UBR3: variants seen among roughly 807,000 people sequenced by gnomAD.
UBR3 encodes E3 ubiquitin-protein ligase UBR3.
Under a neutral mutation model 243.2 loss-of-function variants are expected in UBR3, and 85 were observed. The ratio of observed to expected loss-of-function variants is 0.35; its 90% confidence interval spans 0.29 to 0.42. The LOEUF (loss-of-function observed/expected upper bound fraction) is 0.42, where lower values mean the gene tolerates loss of function less well. Ranked by LOEUF, UBR3 falls within the 10% of genes least tolerant of loss-of-function variation. The pLI is 1.00. For missense variants in UBR3, 1,686 were observed against 2,300.8 expected (o/e 0.73, Z 5.47); for synonymous variants, 748 against 799.8 (o/e 0.94, Z 1.09).
chr2:169,889,781 A>C (rs566827968), intron 5 of UBR3, among the ~76,000 whole-genome samples: 1 of 152,316 alleles, frequency 6.6e-6, no homozygotes, highest in East Asian at 1.9e-4. Flanking sequence ...TGCTTGACGG[A>C]AACCCAAGTT....
At position 169,836,065 on chromosome 2, in the gene UBR3, ATATTTTTTTTT is replaced by A. The variant is rs1206040486; in HGVS notation, c.545+8015_545+8025del. Among the ~76,000 whole-genome samples, 71 of 27,938 alleles carry A rather than the reference ATATTTTTTTTT, an allele frequency of 2.5e-3. 1 individual carries two copies. Among genetic ancestry groups the A allele is most frequent in the African/African-American group, 7.6e-3 (67 of 8,768 alleles). The allele number at this position is 27,938 out of a possible 152,430, so 18.3% of individuals were successfully genotyped here. On this transcript the variant is annotated intron_variant, in intron 1 of 38. Transcript: ENST00000272793. ...TCTCTATATATATATATATATATATATATTTTTTTTTTTTTTTTTTTTTTTTTTGAGATGGA... is the reference window on the plus strand; with the variant it reads ...TCTCTATATATATATATATATATATATTTTTTTTTTTTTTTTTGAGATGGA...
At chr2:169,999,494 A>T (rs544083736) in intron 26 of UBR3, among the ~76,000 whole-genome samples, 1 of 152,354 alleles carries the variant, frequency 6.6e-6, no homozygotes, top group South Asian at 2.1e-4. Context: ...CTTACATTAT[A>T]AAAATAAAAT....
intron 30 of UBR3, among the ~76,000 whole-genome samples, chr2:170,027,906 G>A (rs1036398166): frequency 6.6e-6 from 1 of 151,766 alleles, no homozygotes; most frequent in Admixed American, 6.6e-5. Flanking sequence ...CTGGAAATTT[G>A]GGAAACTTAA....
intron 27 of UBR3, among the ~76,000 whole-genome samples, chr2:170,004,689 T>TCAC (rs781711273): frequency 1.3e-5 from 2 of 150,238 alleles, no homozygotes; most frequent in Non-Finnish European, 2.9e-5. Flanking sequence ...GGTGGGTGGA[T>TCAC]CACCTGAGGT....
intron 32 of UBR3, among the ~76,000 whole-genome samples, chr2:170,053,168 G>C (rs982882548): frequency 6.6e-6 from 1 of 152,144 alleles, no homozygotes; most frequent in Non-Finnish European, 1.5e-5. Context: ...CTGGGAACTT[G>C]GATTTCAGGA....
intron 1 of UBR3, among the ~76,000 whole-genome samples, chr2:169,838,387 T>A (rs7596481): frequency 8.7e-6 from 1 of 114,392 alleles, no homozygotes; most frequent in South Asian, 3.1e-4. Context: ...ATTAAGGCAT[T>A]TGTGTGTGTG....
At chr2:169,867,766 C>A (rs1363457423) in intron 1 of UBR3, among the ~76,000 whole-genome samples, 1 of 152,114 alleles carries the variant, frequency 6.6e-6, no homozygotes, top group Non-Finnish European at 1.5e-5. Flanking sequence ...GGATGTTGAA[C>A]CTTCCAGTGC....
chr2:169,948,079 G>GTT (rs35694669), intron 22 of UBR3: 97 of 252,076 alleles, frequency 3.8e-4, no homozygotes, highest in Non-Finnish European at 5.0e-4. Context: ...ATTTATGTGT[G>GTT]TTTTTTTTTT....
At chr2:170,065,792 A>C (rs1006547634) in intron 35 of UBR3, among the ~76,000 whole-genome samples, 1 of 151,826 alleles carries the variant, frequency 6.6e-6, no homozygotes, top group Admixed American at 6.6e-5. Flanking sequence ...TTGCCTTTTT[A>C]CTATTTTAGG....
intron 1 of UBR3, among the ~76,000 whole-genome samples, chr2:169,841,351 G>T (rs1050111639): frequency 2.0e-5 from 3 of 151,988 alleles, no homozygotes; most frequent in Admixed American, 1.3e-4. Context: ...AGGTGGTAGT[G>T]AGAGGTGACA....
intron 33 of UBR3, 53 bp from the exon 34 acceptor site, chr2:170,061,026 A>G: frequency 8.3e-7 from 1 of 1,208,810 alleles, no homozygotes; most frequent in South Asian, 1.8e-5. Flanking sequence ...TTTCCAATGT[A>G]AATTTTTTAT....
chr2:170,006,951 G>C, intron 27 of UBR3, 39 bp from the exon 28 acceptor site: 1 of 1,575,870 alleles, frequency 6.3e-7, no homozygotes. Context: ...TTCTATGAAT[G>C]TGTATATCAC....
rs1415744712 is a variant in UBR3, at chr2:170,016,229, G to A, written c.4453+863G>A. On this transcript the variant is annotated intron_variant, in intron 30 of 38. Transcript: ENST00000272793. ...ATTTTGAATTGATTCCAAAGCAAAG[G>A]GATGATCAAAAGCACTTTAAAATTT... Among the ~76,000 whole-genome samples the A allele has an allele frequency of 2.0e-5, 3 of 151,610 alleles. No individual in the cohort carries two copies. In the East Asian group the frequency reaches 5.8e-4, roughly 29 times the overall value.
intron 1 of UBR3, among the ~76,000 whole-genome samples, chr2:169,842,013 G>C (rs988077730): frequency 6.6e-6 from 1 of 152,364 alleles, no homozygotes; most frequent in African/African-American, 2.4e-5. Context: ...TGGTGGGGAC[G>C]TGGAGAGTCT....
intron 36 of UBR3, chr2:170,078,105 T>C: frequency 1.6e-6 from 1 of 638,894 alleles, no homozygotes; most frequent in Non-Finnish European, 2.9e-6. Context: ...ATCTTGATGG[T>C]CTTTTTCATT....
chr2:169,857,260 A>G (rs1307882528), intron 1 of UBR3, among the ~76,000 whole-genome samples: 2 of 151,164 alleles, frequency 1.3e-5, no homozygotes, highest in Non-Finnish European at 2.9e-5. Context: ...TTTTTAGTAG[A>G]GATGGGGCTT....
chr2:169,859,557 A>G (rs1172309662), intron 1 of UBR3, among the ~76,000 whole-genome samples: 2 of 151,634 alleles, frequency 1.3e-5, no homozygotes, highest in Non-Finnish European at 2.9e-5. Flanking sequence ...CCCACAGCTC[A>G]CTGAGGTTCT....
At chr2:170,041,135 G>A in intron 32 of UBR3, 150 bp downstream of exon 32, 1 of 650,750 alleles carries the variant, frequency 1.5e-6, no homozygotes, top group Non-Finnish European at 2.5e-6. Flanking sequence ...TTGAGCACAG[G>A]AGCTCGAGAC....
At chr2:169,883,590 C>A (rs558085403) in intron 5 of UBR3, among the ~76,000 whole-genome samples, 1 of 152,214 alleles carries the variant, frequency 6.6e-6, no homozygotes, top group East Asian at 1.9e-4. Flanking sequence ...CATTCTTTTC[C>A]CTGGATTCAG....
Sources: allele counts gnomAD v4.1 joint callset (sites outside exome capture counted in the v4.1 genomes callset), GRCh38; gene constraint gnomAD v4.1.1; transcripts MANE v1.5; gene names NCBI Gene and HGNC (gene_info 2026-07-23, HGNC 2026-07-21).